The following LPCAT4 variants were observed in gnomAD, a reference collection of about 807,000 sequenced individuals.
LPCAT4 encodes lysophosphatidylcholine acyltransferase 4, also known as lysophospholipid acyltransferase LPCAT4.
A neutral mutation model predicts 66.5 loss-of-function variants in LPCAT4; 30 were observed. The ratio of observed to expected loss-of-function variants is 0.45; its 90% CI spans 0.34 to 0.61. The LOEUF (loss-of-function observed/expected upper bound fraction) is 0.61, where lower values mean the gene tolerates loss of function less well. LPCAT4 is among the 20% of genes least tolerant of loss of function. LPCAT4 has a pLI of 0.01. For missense variants in LPCAT4, 557 were observed against 656.7 expected (o/e 0.85, Z 1.66); for synonymous variants, 253 against 262.1 (o/e 0.97, Z 0.34).
In LPCAT4 at chr15:34,365,492, C is replaced by T. The variant is rs937713574; in HGVS notation, c.257+67G>A. 3.8e-6 allele frequency: 6 copies of T among 1,597,608 alleles called. No homozygotes were observed. The African/African-American group carries it at 8.1e-5, about 21-fold the overall frequency. On this transcript the variant is annotated intron_variant, in intron 2 of 13. Transcript: ENST00000314891. The stretch of plus-strand genomic sequence containing the variant: ...TCAGAATGCTCTCTTTTCTTCTTCT[C>T]AAAGAGGGAGCCGAATAGACAGCAG...
At position 34,359,034 on chromosome 15, in the gene LPCAT4, T is replaced by A; in HGVS notation, c.*93A>T. On this transcript the variant is annotated 3_prime_UTR_variant, in exon 14 of 14. Transcript: ENST00000314891. ...TAAAAAAACAACAACCAAACAACAA[T>A]AACAAAATTCAAACAGGAGCAGAGA... The A allele has an allele frequency of 9.6e-7, 1 of 1,038,416 alleles. No individual in the cohort carries two copies. Among genetic ancestry groups the A allele is most frequent in the Non-Finnish European group, 1.3e-6 (1 of 764,480 alleles). The allele number at this position is 1,038,416 out of a possible 1,614,324, so 64.3% of individuals were successfully genotyped here. A position where few individuals can be genotyped will look rare whatever the true frequency, so the allele number is the denominator to read the frequency against.
In LPCAT4 at chr15:34,362,320, C is replaced by A. The variant is rs377682946; in HGVS notation, c.886G>T (p.Ala296Ser). Residue 296 changes from alanine to serine, a missense_variant and splice_region_variant, in exon 10 of 14, where the codon GCT (alanine) becomes TCT (serine). Transcript: ENST00000314891. The stretch of plus-strand genomic sequence containing the variant: ...CATTCGGTGGCTGGAATGCCCAGAG[C>A]CCTACAGGATGAAGAGGGATGGGAT... ...ANNVQRVMAQ[A>S]LGIPATECEF... 6.2e-7 allele frequency: 1 copy of A among 1,614,020 alleles called. No homozygotes were observed. The highest frequency in any genetic ancestry group is 8.5e-7 in the Non-Finnish European group (1 of 1,180,034).
Position 34,359,086 on chromosome 15 carries a change from T to A in LPCAT4, c.*41A>T, listed in dbSNP as rs772998235. ...GGGGCTGAGGCATAGGGGAGGCCCC[T>A]AGCGCTGCCCTGAGGAGGAGGGGGT... On this transcript the variant is annotated 3_prime_UTR_variant, in exon 14 of 14. Coordinates refer to ENST00000314891, the MANE Select transcript of LPCAT4 (RefSeq NM_153613.3). The A allele has an allele frequency of 1.9e-6, 3 of 1,558,768 alleles. No homozygotes were observed. The highest frequency in any genetic ancestry group is 2.6e-6 in the Non-Finnish European group (3 of 1,147,372).
Position 34,363,881 on chromosome 15 carries a change from G to A in LPCAT4, c.652+132C>T. ...CTGACTCCTCGACTTGACAGCATTAGCTAGGAGGTTCCTGGTCTCCCTTCC... is the reference window on the plus strand; with the variant it reads ...CTGACTCCTCGACTTGACAGCATTAACTAGGAGGTTCCTGGTCTCCCTTCC... On this transcript the variant is annotated intron_variant, in intron 5 of 13. Coordinates refer to ENST00000314891, the MANE Select transcript of LPCAT4 (RefSeq NM_153613.3). The surrounding 1 kb of genome is among the most constrained non-coding windows in gnomAD (Gnocchi z 4.3). 1.6e-6 allele frequency: 2 copies of A among 1,261,220 alleles called. No homozygotes were observed. The highest frequency in any genetic ancestry group is 2.3e-6 in the Non-Finnish European group (2 of 872,514). The allele number at this position is 1,261,220 out of a possible 1,614,324, so 78.1% of individuals were successfully genotyped here.
chr15:34,359,642 G>A lies in LPCAT4; in HGVS notation c.1346C>T (p.Thr449Ile). The change falls in exon 13 of 14, where the codon ACA (threonine) becomes ATA (isoleucine). Residue 449 changes from threonine (T) to isoleucine (I), a missense_variant. Thr to Ile is a moderately conservative substitution (Grantham distance 89). Transcript: ENST00000314891. The stretch of plus-strand genomic sequence containing the variant: ...CTGGCACAGCTCAGCATGCAAAGCT[G>A]TGGCAGCAGGGTGGGGTGAACCCAG... Reference protein sequence around the residue: ...LLLGSPHPAATALHAELCQAG... With the variant: ...LLLGSPHPAAIALHAELCQAG... 1 of 1,613,558 alleles carries A rather than the reference G, an allele frequency of 6.2e-7. No individual in the cohort carries two copies.
At position 34,359,173 on chromosome 15, in the gene LPCAT4, G is replaced by T. The variant is rs150950234; in HGVS notation, c.1529C>A (p.Ala510Asp). The change falls in exon 14 of 14, where the codon GCT becomes GAT. Residue 510 changes from alanine to aspartate, a missense_variant. Physicochemically the swap from Ala to Asp is moderately radical, Grantham distance 126. Coordinates refer to ENST00000314891, the MANE Select transcript of LPCAT4 (RefSeq NM_153613.3). ...PNASSPGNPT[A>D]LANGTVQAPK... ...TGCTTGCACAGTCCCATTGGCCAGA[G>T]CAGTGGGGTTGCCTGGGGATGAGGC... is the stretch of plus-strand genomic sequence containing the variant. 1.6e-4 allele frequency: 259 copies of T among 1,607,220 alleles called. 1 individual carries two copies. The African/African-American group carries it at 3.2e-3, about 20-fold the overall frequency.
Position 34,367,049 on chromosome 15 carries a change from G to C in LPCAT4, c.52C>G (p.Pro18Ala). The C allele has an allele frequency of 1.9e-6, 3 of 1,553,532 alleles. No individual in the cohort carries two copies. The highest frequency in any genetic ancestry group is 2.6e-6 in the Non-Finnish European group (3 of 1,149,236). The change falls in exon 1 of 14, where the codon CCC becomes GCC. Residue 18 changes from proline (P) to alanine (A), a missense_variant. This residue lies in a region of LPCAT4 where 94 missense variants were observed against 71.5 expected (regional missense o/e 1.32). Transcript: ENST00000314891. Reference protein sequence around the residue: ...DWAPLDPTPGPPASPNPFVHE... With the variant: ...DWAPLDPTPGAPASPNPFVHE... ...ACGAAGGGGTTGGGGGATGCTGGGG[G>C]TCCGGGGGTGGGATCTAGGGGGGCC...
At position 34,362,238 on chromosome 15, in the gene LPCAT4, TC is replaced by T; in HGVS notation, c.967del (p.Glu323AsnfsTer32). 1.2e-6 allele frequency: 2 copies of T among 1,614,054 alleles called. No individual in the cohort carries two copies. The highest frequency in any genetic ancestry group is 1.7e-6 in the Non-Finnish European group (2 of 1,180,006). On this transcript the variant is annotated frameshift_variant, in exon 10 of 14. Coordinates refer to ENST00000314891, the MANE Select transcript of LPCAT4 (RefSeq NM_153613.3). LOFTEE classifies it high-confidence loss of function. ...IVVGRLKVAL[E>X]PQLWELGKVL... ...TTTTCCCAGTTCCCAGAGCTGTGGT[TC>T]CAACGCCACCTTCAGCCGGCCCACC...
In LPCAT4 at chr15:34,365,677, C is replaced by A; in HGVS notation, c.139G>T (p.Ala47Ser). The A allele has an allele frequency of 6.2e-7, 1 of 1,613,980 alleles. No homozygotes were observed. The highest frequency in any genetic ancestry group is 8.5e-7 in the Non-Finnish European group (1 of 1,179,986). The change falls in exon 2 of 14, where the codon GCC (alanine) becomes TCC (serine). Residue 47 changes from alanine to serine, a missense_variant. This residue lies in a region of LPCAT4 where 94 missense variants were observed against 71.5 expected (regional missense o/e 1.32). Coordinates refer to ENST00000314891, the MANE Select transcript of LPCAT4 (RefSeq NM_153613.3). ...VKFCLLGALL[A>S]PIRVLLAFIV... The stretch of plus-strand genomic sequence containing the variant: ...AAGGCCAGAAGCACTCGGATGGGGG[C>A]CAGCAATGCCCCCAGGAGGCAGAAC...
At position 34,358,890 on chromosome 15, in the gene LPCAT4, A is replaced by G. The variant is rs950336610; in HGVS notation, c.*237T>C. ...CATTCATCCCTTTCCTTCCCAAGTAATGGTAACATCAATATGACTGGACTT... is the reference window on the plus strand; with the variant it reads ...CATTCATCCCTTTCCTTCCCAAGTAGTGGTAACATCAATATGACTGGACTT... On this transcript the variant is annotated 3_prime_UTR_variant, in exon 14 of 14. Transcript: ENST00000314891. 7 of 182,528 alleles carry G rather than the reference A, an allele frequency of 3.8e-5. 1 individual carries two copies. The highest frequency in any genetic ancestry group is 3.6e-4 in the Admixed American group (6 of 16,492). 11.3% of individuals were successfully genotyped at this position (182,528 alleles called of 1,614,324 possible). A position where few individuals can be genotyped will look rare whatever the true frequency, so the allele number is the denominator to read the frequency against.
chr15:34,366,824 C>T (rs1891088718), intron 1 of LPCAT4, 163 bp downstream of exon 1: 5 of 1,031,938 alleles, frequency 4.8e-6, no homozygotes, highest in South Asian at 1.5e-5. Context: ...GGACTCCTTG[C>T]CCAACCGCGG....
rs1891011404 is a variant in LPCAT4 at position 34,364,050 on chromosome 15, G to A, written c.615C>T (p.Thr205=). 3 of 1,613,224 alleles carry A rather than the reference G, an allele frequency of 1.9e-6. No homozygotes were observed. The highest frequency in any genetic ancestry group is 2.5e-6 in the Non-Finnish European group (3 of 1,179,188). ...TAAGCAAAGCCTTCTTGTTGGAACA[G>A]GTGCCCTCAGGAAAGAATAGCACCT... is the stretch of plus-strand genomic sequence containing the variant. ...WPQVLFFPEG[T]CSNKKALLKF... Residue 205 remains threonine, a synonymous_variant, in exon 5 of 14, where the codon ACC becomes ACT. Coordinates refer to ENST00000314891, the MANE Select transcript of LPCAT4 (RefSeq NM_153613.3).
intron 1 of LPCAT4, 95 bp downstream of exon 1, chr15:34,366,892 T>G: frequency 1.3e-6 from 2 of 1,504,854 alleles, no homozygotes; most frequent in Non-Finnish European, 1.8e-6. Context: ...GCCATCTCCT[T>G]CTCGTGGATC....
At position 34,363,377 on chromosome 15, in the gene LPCAT4, T is replaced by C. The variant is rs761376265; in HGVS notation, c.746+45A>G. ...GGAAGATGGGCCAGGAATTCTCTGA[T>C]GGACCCTGCTCCCCACCCTCACCCC... On this transcript the variant is annotated intron_variant, in intron 7 of 13. Transcript: ENST00000314891. This position sits in a 1 kb window ranked among gnomAD's most constrained non-coding sequence, Gnocchi z 4.3. 1 of 1,593,460 alleles carries C rather than the reference T, an allele frequency of 6.3e-7. No homozygotes were observed. The highest frequency in any genetic ancestry group is 8.6e-7 in the Non-Finnish European group (1 of 1,169,064).
chr15:34,360,117 G>C lies in LPCAT4; in HGVS notation c.1236C>G (p.Ala412=). 1 of 1,608,532 alleles carries C rather than the reference G, an allele frequency of 6.2e-7. No homozygotes were observed. The highest frequency in any genetic ancestry group is 8.5e-7 in the Non-Finnish European group (1 of 1,177,422). Residue 412 remains alanine, a synonymous_variant, in exon 12 of 14, where the codon GCC becomes GCG. Transcript: ENST00000314891. ...GRSLEELTRL[A]FELFAEEQAE... ...CACCGCCACCCCCCATTACCTCAAA[G>C]GCCAGACGAGTTAGCTCTTCCAGGC...
rs1371212041 is a variant in LPCAT4, at chr15:34,367,182, C to T, written c.-82G>A. ...AGAGCAGCTGCTGCTGCAGCAGCGGCGGCGGCGGCGCTCTGGCCCGGGCCC... is the reference window on the plus strand; with the variant it reads ...AGAGCAGCTGCTGCTGCAGCAGCGGTGGCGGCGGCGCTCTGGCCCGGGCCC... On this transcript the variant is annotated 5_prime_UTR_variant, in exon 1 of 14. Transcript: ENST00000314891. 3.2e-6 allele frequency: 4 copies of T among 1,238,752 alleles called. No individual in the cohort carries two copies. The highest frequency in any genetic ancestry group is 2.1e-5 in the South Asian group (1 of 48,042). 76.7% of individuals were successfully genotyped at this position (1,238,752 alleles called of 1,614,324 possible).
intron 8 of LPCAT4, 55 bp downstream of exon 8, chr15:34,362,727 C>T: frequency 1.2e-6 from 2 of 1,612,378 alleles, no homozygotes; most frequent in African/African-American, 1.3e-5. Context: ...CCTCTTTTCC[C>T]AAGGTTTCAG....
intron 12 of LPCAT4, 145 bp downstream of exon 12, chr15:34,359,966 C>G: frequency 1.2e-6 from 1 of 822,692 alleles, no homozygotes; most frequent in African/African-American, 1.7e-5. Context: ...GGCCGGGGGT[C>G]TGCAGTTTTA....
rs745996726 is a variant in LPCAT4, at chr15:34,362,547, C to T, written c.884+26G>A. 3 of 1,531,838 alleles carry T rather than the reference C, an allele frequency of 2.0e-6. No homozygotes were observed. The East Asian group carries it at 6.8e-5, about 35-fold the overall frequency. The allele number at this position is 1,531,838 out of a possible 1,614,324, so 94.9% of individuals were successfully genotyped here. On this transcript the variant is annotated intron_variant, in intron 9 of 13. Transcript: ENST00000314891. ...GTTCCTTTGCCCTGTGCAACTGCTCCAGGAAATAGTTTGTGGGGCACTCAC... is the reference window on the plus strand; with the variant it reads ...GTTCCTTTGCCCTGTGCAACTGCTCTAGGAAATAGTTTGTGGGGCACTCAC...
Sources: gnomAD v4.1 joint callset for allele counts on GRCh38, gnomAD v4.1.1 for gene constraint, gnomAD v4.1.1 regional missense constraint, Gnocchi (gnomAD v3.1) non-coding constraint, MANE v1.5 for transcripts, NCBI Gene and HGNC (gene_info 2026-07-23, HGNC 2026-07-21) for gene names.